The following PIGL variants were observed in gnomAD, a reference collection of about 807,000 sequenced individuals.
The protein encoded by PIGL is phosphatidylinositol glycan anchor biosynthesis class L.
Under a neutral mutation model 31.1 loss-of-function variants are expected in PIGL, and 22 were observed. The ratio of observed to expected loss-of-function variants is 0.71; its 90% CI spans 0.51 to 1.01. The LOEUF (loss-of-function observed/expected upper bound fraction) is 1.01, where lower values mean the gene tolerates loss of function less well. PIGL is among the 50% of genes least tolerant of loss of function. The pLI is 0.00. For missense variants in PIGL, 302 were observed against 315.9 expected (o/e 0.96, Z 0.33); for synonymous variants, 131 against 117.4 (o/e 1.12, Z -0.75).
At chr17:16,235,127 C>A (rs575369969) in intron 2 of PIGL, among the ~76,000 whole-genome samples, 1 of 152,256 alleles carries the variant, frequency 6.6e-6, no homozygotes, top group East Asian at 1.9e-4. Flanking sequence ...AGATGGGACA[C>A]TTTTCATCTA....
chr17:16,283,006 ATT>A (rs34456796), intron 2 of PIGL, among the ~76,000 whole-genome samples: 100 of 146,764 alleles, frequency 6.8e-4, no homozygotes, highest in African/African-American at 1.1e-3. Context: ...CCAAAAAAGA[ATT>A]TTTTTTTTTT....
At chr17:16,301,409 C>T (rs1043095851) in intron 3 of PIGL, among the ~76,000 whole-genome samples, 2 of 150,776 alleles carry the variant, frequency 1.3e-5, no homozygotes, top group African/African-American at 4.9e-5. Context: ...GGACTACAGA[C>T]ACGTGCCACC....
chr17:16,244,767 C>T (rs1327305829), intron 2 of PIGL, among the ~76,000 whole-genome samples: 6 of 151,928 alleles, frequency 3.9e-5, no homozygotes, highest in African/African-American at 7.3e-5. Context: ...CTCCACCTCC[C>T]GGGCTCAAGT....
chr17:16,321,361 C>G (rs1439366150), intron 6 of PIGL, among the ~76,000 whole-genome samples: 1 of 151,356 alleles, frequency 6.6e-6, no homozygotes, highest in Non-Finnish European at 1.5e-5. Context: ...CTGCATCACA[C>G]TCCCGAGTAG....
chr17:16,273,041 GTTTA>G (rs957931069), intron 2 of PIGL, among the ~76,000 whole-genome samples: 7 of 152,158 alleles, frequency 4.6e-5, no homozygotes, highest in African/African-American at 1.7e-4. Flanking sequence ...AAATGTGTTT[GTTTA>G]TTCATTTAGC....
At chr17:16,244,606 C>T (rs192270783) in intron 2 of PIGL, among the ~76,000 whole-genome samples, 1 of 152,330 alleles carries the variant, frequency 6.6e-6, no homozygotes, top group Non-Finnish European at 1.5e-5. Flanking sequence ...GTACACTCCT[C>T]AACTTGGGAT....
intron 3 of PIGL, among the ~76,000 whole-genome samples, chr17:16,311,537 G>A (rs989366598): frequency 1.4e-5 from 2 of 137,946 alleles, no homozygotes; most frequent in African/African-American, 5.6e-5. Flanking sequence ...TAGGACAATA[G>A]TGGAGGGAAG....
chr17:16,235,485 C>T (rs1458555758), intron 2 of PIGL, among the ~76,000 whole-genome samples: 1 of 143,480 alleles, frequency 7.0e-6, no homozygotes. Context: ...ACTCTGTTCC[C>T]GCCCAGCCTG....
intron 2 of PIGL, among the ~76,000 whole-genome samples, chr17:16,297,644 A>G (rs2092988226): frequency 6.6e-6 from 1 of 152,082 alleles, no homozygotes; most frequent in South Asian, 2.1e-4. Flanking sequence ...TACACACTAT[A>G]TTCAGCTCCA....
At chr17:16,302,789 G>A (rs1445623433) in intron 3 of PIGL, among the ~76,000 whole-genome samples, 1 of 16,882 alleles carries the variant, frequency 5.9e-5, no homozygotes, top group African/African-American at 3.1e-4. Context: ...TGGTAGAGAT[G>A]GGGTTTCACC....
intron 2 of PIGL, among the ~76,000 whole-genome samples, chr17:16,288,698 C>T (rs1013020950): frequency 1.3e-5 from 2 of 152,014 alleles, no homozygotes. Context: ...CACCACTGTG[C>T]CCGGCTAATT....
chr17:16,271,582 A>G lies in PIGL; in HGVS notation c.336-28306A>G, dbSNP rs138319421. On this transcript the variant is annotated intron_variant, in intron 2 of 6. Transcript: ENST00000225609. ...AGTTTTGCTCTGTCGCCCATGCTGG[A>G]GTGCAGTGGTGCAATCTTGGCTTAC... Among the ~76,000 whole-genome samples the G allele has an allele frequency of 5.3e-3, 802 of 150,808 alleles. 10 individuals carry two copies. Among genetic ancestry groups the G allele is most frequent in the African/African-American group, 0.018 (737 of 40,908 alleles).
intron 2 of PIGL, among the ~76,000 whole-genome samples, chr17:16,290,692 T>TTTG (rs55795531): frequency 3.4e-4 from 52 of 152,106 alleles, no homozygotes; most frequent in Non-Finnish European, 5.4e-4. Flanking sequence ...CCCAGACTTT[T>TTTG]TTGTTGTTGT....
intron 1 of PIGL, among the ~76,000 whole-genome samples, chr17:16,228,429 G>T (rs2142656715): frequency 6.6e-6 from 1 of 151,658 alleles, no homozygotes; most frequent in Admixed American, 6.6e-5. Context: ...CTGTCGCCCA[G>T]GCTGGAGTGC....
intron 2 of PIGL, among the ~76,000 whole-genome samples, chr17:16,294,318 G>A (rs1055538734): frequency 1.1e-4 from 16 of 152,224 alleles, no homozygotes; most frequent in African/African-American, 1.4e-4. Context: ...TTGCCTGCTC[G>A]TGACACTGGA....
chr17:16,276,832 C>T (rs565926844), intron 2 of PIGL, among the ~76,000 whole-genome samples: 2 of 152,348 alleles, frequency 1.3e-5, no homozygotes, highest in South Asian at 4.1e-4. Context: ...CCCATTTTTA[C>T]TAAAGACAAA....
chr17:16,313,837 G>C (rs2093065119), intron 4 of PIGL, among the ~76,000 whole-genome samples: 1 of 152,090 alleles, frequency 6.6e-6, no homozygotes, highest in South Asian at 2.1e-4. Flanking sequence ...CTCCTAAACA[G>C]CTGAATTCTT....
intron 1 of PIGL, among the ~76,000 whole-genome samples, chr17:16,231,067 CTTTTTTTTTTTT>C (rs59390439): frequency 6.2e-5 from 6 of 96,530 alleles, no homozygotes; most frequent in Middle Eastern, 6.0e-3. Context: ...TTTGGTTTTT[CTTTTTTTTTTTT>C]TTTTTTTTTT....
chr17:16,308,701 T>C (rs1041988748), intron 3 of PIGL, among the ~76,000 whole-genome samples: 1 of 151,712 alleles, frequency 6.6e-6, no homozygotes, highest in African/African-American at 2.4e-5. Context: ...AGTGAGACCT[T>C]GTCTCTACTA....
Sources: gnomAD v4.1 joint callset for allele counts (sites outside exome capture counted in the v4.1 genomes callset) on GRCh38, gnomAD v4.1.1 for gene constraint, MANE v1.5 for transcripts, NCBI Gene and HGNC (gene_info 2026-07-23, HGNC 2026-07-21) for gene names.